RIMS2: variants seen among roughly 807,000 people sequenced by gnomAD.
RIMS2 encodes regulating synaptic membrane exocytosis 2, also known as regulating synaptic membrane exocytosis protein 2.
A neutral mutation model predicts 174.4 loss-of-function variants in RIMS2; 59 were observed. That is an observed-to-expected ratio of 0.34 (90% CI 0.27 to 0.42). The LOEUF is 0.42. Ranked by LOEUF, RIMS2 falls within the 10% of genes least tolerant of loss-of-function variation. The pLI is 1.00. For missense variants in RIMS2, 1,620 were observed against 1,666.3 expected, an observed-to-expected ratio of 0.97 and a Z score of 0.48; for synonymous variants, 606 against 572.5, an observed-to-expected ratio of 1.06 and a Z score of -0.84.
intron 3 of RIMS2, among the ~76,000 whole-genome samples, chr8:103,847,342 C>G (rs576243232): frequency 5.9e-5 from 9 of 152,134 alleles, no homozygotes; most frequent in Middle Eastern, 6.8e-3. Context: ...AGGATAGTGT[C>G]CGGTCCTGCA....
chr8:104,189,617 T>C (rs934029307), intron 19 of RIMS2, among the ~76,000 whole-genome samples: 2 of 148,218 alleles, frequency 1.3e-5, no homozygotes. Flanking sequence ...AATATATATA[T>C]ATTTCAAATA....
At chr8:104,105,314 G>C (rs1196855579) in intron 19 of RIMS2, among the ~76,000 whole-genome samples, 1 of 152,140 alleles carries the variant, frequency 6.6e-6, no homozygotes, top group Non-Finnish European at 1.5e-5. Context: ...CAACTAGCCA[G>C]AAATATTACA....
At chr8:103,557,756 A>G (rs943263563) in intron 1 of RIMS2, among the ~76,000 whole-genome samples, 1 of 152,198 alleles carries the variant, frequency 6.6e-6, no homozygotes, top group African/African-American at 2.4e-5. Context: ...TCCTTGATTT[A>G]TAACTAAATT....
At chr8:103,606,599 G>A (rs2095100374) in intron 1 of RIMS2, among the ~76,000 whole-genome samples, 2 of 151,970 alleles carry the variant, frequency 1.3e-5, no homozygotes, top group South Asian at 2.1e-4. Flanking sequence ...TTGACAGTGG[G>A]GTGTTAAAGT....
intron 1 of RIMS2, among the ~76,000 whole-genome samples, chr8:103,528,673 G>C (rs921103519): frequency 6.6e-6 from 1 of 152,228 alleles, no homozygotes; most frequent in East Asian, 1.9e-4. Context: ...TCTTGTTTTT[G>C]TCAGGTTTGT....
intron 19 of RIMS2, among the ~76,000 whole-genome samples, chr8:104,033,647 T>C (rs2096448772): frequency 6.6e-6 from 1 of 152,018 alleles, no homozygotes; most frequent in Non-Finnish European, 1.5e-5. Flanking sequence ...ATTTTTTTTT[T>C]CCTGTATACT....
intron 19 of RIMS2, among the ~76,000 whole-genome samples, chr8:104,179,430 A>G (rs943175433): frequency 3.3e-5 from 5 of 152,002 alleles, no homozygotes; most frequent in Non-Finnish European, 7.4e-5. Flanking sequence ...GTACAGAAAA[A>G]TATGACTTCA....
chr8:103,996,017 G>T (rs1228601546), intron 17 of RIMS2, among the ~76,000 whole-genome samples: 1 of 151,804 alleles, frequency 6.6e-6, no homozygotes, highest in Non-Finnish European at 1.5e-5. Flanking sequence ...ACTTGAAGCT[G>T]GAATTGCAAG....
chr8:103,960,186 A>G (rs1426575518), intron 14 of RIMS2, among the ~76,000 whole-genome samples: 1 of 152,196 alleles, frequency 6.6e-6, no homozygotes, highest in African/African-American at 2.4e-5. Context: ...TTAAAAACAA[A>G]TAACAACGTT....
chr8:103,861,074 C>T (rs1486781644), intron 3 of RIMS2, among the ~76,000 whole-genome samples: 1 of 151,950 alleles, frequency 6.6e-6, no homozygotes, highest in South Asian at 2.1e-4. Flanking sequence ...TCTTGCCCAT[C>T]ACCCAAATAG....
At chr8:104,154,338 T>C (rs13254508) in intron 19 of RIMS2, among the ~76,000 whole-genome samples, 11,264 of 152,256 alleles carry the variant, frequency 0.074, 587 homozygotes, top group Middle Eastern at 0.18. Context: ...GTGATGGCAA[T>C]CTCCTACATC....
chr8:103,639,840 A>G (rs576974123), intron 1 of RIMS2, among the ~76,000 whole-genome samples: 1 of 152,054 alleles, frequency 6.6e-6, no homozygotes, highest in African/African-American at 2.4e-5. Flanking sequence ...TTGCCTTTTA[A>G]TATAAACTTT....
chr8:103,851,453 A>G (rs140854012), intron 3 of RIMS2, among the ~76,000 whole-genome samples: 4,042 of 151,946 alleles, frequency 0.027, 101 homozygotes, highest in African/African-American at 0.064. Context: ...GAAAAATAAT[A>G]TAAATGAAAA....
chr8:103,763,427 C>A (rs570250460), intron 2 of RIMS2, among the ~76,000 whole-genome samples: 1 of 142,278 alleles, frequency 7.0e-6, no homozygotes, highest in Non-Finnish European at 1.5e-5. Flanking sequence ...CAAGGTAAGA[C>A]CCTGTTTCAA....
intron 19 of RIMS2, among the ~76,000 whole-genome samples, chr8:104,096,489 A>T (rs2097764649): frequency 6.6e-6 from 1 of 152,226 alleles, no homozygotes; most frequent in Admixed American, 6.5e-5. Context: ...TACTTCTGGA[A>T]CTGTAAACTA....
chr8:103,773,300 A>G (rs1273040839), intron 3 of RIMS2, among the ~76,000 whole-genome samples: 2 of 152,206 alleles, frequency 1.3e-5, no homozygotes, highest in African/African-American at 2.4e-5. Flanking sequence ...AAGATATATA[A>G]AGCACTCTTA....
intron 1 of RIMS2, among the ~76,000 whole-genome samples, chr8:103,525,125 A>T (rs1185436638): frequency 1.3e-5 from 2 of 152,256 alleles, no homozygotes; most frequent in African/African-American, 4.8e-5. Flanking sequence ...TTCTTTAATC[A>T]TAATAAGAAG....
chr8:104,141,573 C>T (rs2133587777), intron 19 of RIMS2, among the ~76,000 whole-genome samples: 1 of 152,326 alleles, frequency 6.6e-6, no homozygotes, highest in African/African-American at 2.4e-5. Flanking sequence ...TAGGACAGCT[C>T]TGATGTAATA....
intron 1 of RIMS2, among the ~76,000 whole-genome samples, chr8:103,582,464 A>T (rs529329186): frequency 3.3e-5 from 5 of 152,122 alleles, no homozygotes; most frequent in African/African-American, 1.2e-4. Context: ...CCACAGGGGG[A>T]TAGAGCACCA....
Sources: allele counts gnomAD v4.1 joint callset (sites outside exome capture counted in the v4.1 genomes callset), GRCh38; gene constraint gnomAD v4.1.1; transcripts MANE v1.5; gene names NCBI Gene and HGNC (gene_info 2026-07-23, HGNC 2026-07-21).